FAM53A: variants seen among roughly 807,000 people sequenced by gnomAD.
FAM53A encodes family with sequence similarity 53 member A.
In FAM53A, 28 loss-of-function variants were observed where a neutral mutation model predicts 26.6. That is an observed-to-expected ratio of 1.05 (90% CI 0.78 to 1.45). The LOEUF is 1.45. Among genes scored for constraint, FAM53A ranks in the 40% most tolerant of loss-of-function variants. FAM53A has a pLI of 0.00. For missense variants in FAM53A, 650 were observed against 575.8 expected (o/e 1.13, Z -1.32); for synonymous variants, 290 against 253.1 (o/e 1.15, Z -1.38).
At chr4:1,670,117 GGCCAT>G (rs112222897) in intron 1 of FAM53A, among the ~76,000 whole-genome samples, 2,937 of 152,310 alleles carry the variant, frequency 0.019, 100 homozygotes, top group African/African-American at 0.068. Flanking sequence ...CGGCCACGTG[GGCCAT>G]GCTAGGAAGG....
intron 4 of FAM53A, among the ~76,000 whole-genome samples, chr4:1,643,795 G>A (rs949802047): frequency 3.9e-5 from 6 of 151,900 alleles, no homozygotes; most frequent in African/African-American, 1.5e-4. Flanking sequence ...TCAAACTCCT[G>A]GGCTCAAACA....
At chr4:1,597,900 G>A in the FAM53A span, among the ~76,000 whole-genome samples, 4 of 152,234 alleles carry the variant, frequency 2.6e-5, no homozygotes, top group African/African-American at 7.2e-5. Flanking sequence ...GGAGGCTGAC[G>A]CAGGAGAATC....
intron 2 of FAM53A, among the ~76,000 whole-genome samples, chr4:1,665,776 C>T (rs1714178276): frequency 6.6e-6 from 1 of 152,098 alleles, no homozygotes; most frequent in African/African-American, 2.4e-5. Context: ...CAAGGAACTG[C>T]CTATGCTGCC....
the FAM53A span, among the ~76,000 whole-genome samples, chr4:1,583,166 G>C: frequency 1.3e-5 from 2 of 152,340 alleles, no homozygotes; most frequent in East Asian, 3.9e-4. Flanking sequence ...GGGTGCCAGA[G>C]ACCCAGCAAA....
At chr4:1,651,271 T>C (rs13112815) in intron 4 of FAM53A, among the ~76,000 whole-genome samples, 97,554 of 147,894 alleles carry the variant, frequency 0.66, 32,589 homozygotes, top group African/African-American at 0.82. Flanking sequence ...GTGGCTCACA[T>C]CTGTAATCCC....
At chr4:1,658,523 A>C (rs1042896061) in intron 2 of FAM53A, among the ~76,000 whole-genome samples, 3 of 152,292 alleles carry the variant, frequency 2.0e-5, no homozygotes, top group African/African-American at 7.2e-5. Flanking sequence ...CGCCTAAGCC[A>C]GGCTCTGGAG....
At chr4:1,574,742 GGC>G in the FAM53A span, among the ~76,000 whole-genome samples, 1 of 152,214 alleles carries the variant, frequency 6.6e-6, no homozygotes, top group Non-Finnish European at 1.5e-5. Context: ...GCAGGAGGTG[GGC>G]CTGGAGCCGG....
rs12511501 is a variant in FAM53A, at chr4:1,640,890, A to C, written c.*403T>G. 6.7e-5 allele frequency: 24 copies of C among 357,994 alleles called. No homozygotes were observed. The highest frequency in any genetic ancestry group is 1.8e-4 in the Admixed American group (4 of 21,990). 22.2% of individuals were successfully genotyped at this position (357,994 alleles called of 1,614,324 possible). ...CTACTCTGTGCCCTGGGGCAGGTGC[A>C]GGCAGCAGCCATGGCCCCGACCAGC... is the stretch of plus-strand genomic sequence containing the variant. On this transcript the variant is annotated 3_prime_UTR_variant, in exon 5 of 5. Transcript: ENST00000308132.
downstream of FAM53A, among the ~76,000 whole-genome samples, chr4:1,614,079 G>A (rs556053610): frequency 6.6e-5 from 10 of 152,286 alleles, no homozygotes; most frequent in African/African-American, 2.2e-4. Context: ...AGATGAATGC[G>A]GCCAGTCACG....
the FAM53A span, among the ~76,000 whole-genome samples, chr4:1,609,452 G>A: frequency 2.6e-5 from 4 of 152,070 alleles, no homozygotes; most frequent in Non-Finnish European, 4.4e-5. Context: ...TGCCATGGGA[G>A]GGACTCGGTG....
intron 1 of FAM53A, among the ~76,000 whole-genome samples, chr4:1,671,116 CA>C (rs1306678870): frequency 1.4e-3 from 212 of 147,950 alleles, no homozygotes; most frequent in African/African-American, 4.1e-3. Context: ...GCGTCAGAGC[CA>C]CCAGCTCACA....
In FAM53A at chr4:1,639,974, T is replaced by C. The variant is rs1450352710; in HGVS notation, c.*1319A>G. ...ACAGGAAATCCCTTGCCTTGTCTGG[T>C]TCTGAGCCAGAGACCAGAGGCCTGA... On this transcript the variant is annotated 3_prime_UTR_variant, in exon 5 of 5. Coordinates refer to ENST00000308132, the MANE Select transcript of FAM53A (RefSeq NM_001174070.3). 2 of 152,264 alleles carry C rather than the reference T, an allele frequency of 1.3e-5. No individual in the cohort carries two copies. Among genetic ancestry groups the C allele is most frequent in the Non-Finnish European group, 2.9e-5 (2 of 68,038 alleles). The allele number at this position is 152,264 out of a possible 1,614,324, so 9.4% of individuals were successfully genotyped here.
At chr4:1,607,179 C>T in the FAM53A span, among the ~76,000 whole-genome samples, 13 of 152,230 alleles carry the variant, frequency 8.5e-5, no homozygotes, top group Admixed American at 1.3e-4. Flanking sequence ...CCACCACACC[C>T]GGCTGATTTT....
chr4:1,657,996 A>G (rs1442733143), intron 2 of FAM53A, among the ~76,000 whole-genome samples: 1 of 150,352 alleles, frequency 6.7e-6, no homozygotes, highest in Non-Finnish European at 1.5e-5. Context: ...AAGAGCTGTT[A>G]ACACTAAGCA....
downstream of FAM53A, among the ~76,000 whole-genome samples, chr4:1,636,943 T>C (rs1715870519): frequency 6.6e-6 from 1 of 151,958 alleles, no homozygotes; most frequent in Non-Finnish European, 1.5e-5. Context: ...GTGTTACCCA[T>C]GGCCCCAGCA....
At chr4:1,649,194 G>T (rs537491514) in intron 4 of FAM53A, among the ~76,000 whole-genome samples, 1 of 143,856 alleles carries the variant, frequency 7.0e-6, no homozygotes, top group Non-Finnish European at 1.5e-5. Context: ...GGAAGGGGAA[G>T]GGGAAAGGGA....
the FAM53A span, among the ~76,000 whole-genome samples, chr4:1,576,047 G>C: frequency 6.6e-6 from 1 of 152,184 alleles, no homozygotes; most frequent in African/African-American, 2.4e-5. Context: ...GGGCCTATGC[G>C]GTGAGTCCAC....
At chr4:1,672,818 G>T (rs866833815) in intron 1 of FAM53A, among the ~76,000 whole-genome samples, 7 of 139,328 alleles carry the variant, frequency 5.0e-5, no homozygotes, top group African/African-American at 1.8e-4. Flanking sequence ...CGCCCAGGCT[G>T]GAGTGCAGTG....
chr4:1,588,257 T>C, the FAM53A span, among the ~76,000 whole-genome samples: 1 of 152,172 alleles, frequency 6.6e-6, no homozygotes, highest in Admixed American at 6.5e-5. Flanking sequence ...GTTTCTGTTT[T>C]CCCTCAGAAC....
Sources: allele counts gnomAD v4.1 joint callset (sites outside exome capture counted in the v4.1 genomes callset), GRCh38; gene constraint gnomAD v4.1.1; transcripts MANE v1.5; gene names NCBI Gene and HGNC (gene_info 2026-07-23, HGNC 2026-07-21).